Variants in GINS2 observed in about 807,000 individuals in gnomAD.
GINS2 encodes the protein DNA replication complex GINS protein PSF2.
In GINS2, 23 loss-of-function variants were observed where a neutral mutation model predicts 21.2. The observed-to-expected ratio is 1.08, with a 90% confidence interval of 0.78 to 1.53. The LOEUF is 1.53. GINS2 is among the 40% of genes most tolerant of loss of function. The probability of loss-of-function intolerance (pLI) is 0.00; values close to 1 mark genes in which losing one functional copy is unlikely to be tolerated. For synonymous variants in GINS2, 118 were observed against 85.6 expected (o/e 1.38, Z -2.09); for missense variants, 323 against 233.9 (o/e 1.38, Z -2.49).
At position 85,678,116 on chromosome 16, in the gene GINS2, G is replaced by T; in HGVS notation, c.*96C>A. 2.0e-6 allele frequency: 2 copies of T among 1,016,274 alleles called. No individual in the cohort carries two copies. Among genetic ancestry groups the T allele is most frequent in the South Asian group, 1.5e-5 (1 of 65,786 alleles). 63.0% of individuals were successfully genotyped at this position (1,016,274 alleles called of 1,614,324 possible). A position where few individuals can be genotyped will look rare whatever the true frequency, so the allele number is the denominator to read the frequency against. On this transcript the variant is annotated 3_prime_UTR_variant, in exon 5 of 5. Coordinates refer to ENST00000253462, the MANE Select transcript of GINS2 (RefSeq NM_016095.3). Reference sequence around the variant, plus strand: ...CCTTGCACCATCACACATTTTTCATGCATCAGAAGTGTTTCTAGAGCTCCA... The same window carrying T: ...CCTTGCACCATCACACATTTTTCATTCATCAGAAGTGTTTCTAGAGCTCCA...
intron 2 of GINS2, among the ~76,000 whole-genome samples, chr16:85,683,088 A>G (rs945026787): frequency 1.3e-5 from 2 of 151,984 alleles, no homozygotes; most frequent in African/African-American, 2.4e-5. Context: ...CCTGCACAGT[A>G]AGGCACTCCA....
At position 85,678,667 on chromosome 16, in the gene GINS2, C is replaced by T; in HGVS notation, c.306-1G>A. The stretch of plus-strand genomic sequence containing the variant: ...TGCCTTCGGGATGTTGTCTGAAGCA[C>T]TAAAGGAGCAAGGGCTAAAGTCAGT... On this transcript the variant is annotated splice_acceptor_variant, in intron 3 of 4. Transcript: ENST00000253462. LOFTEE classifies it high-confidence loss of function. 1.9e-6 allele frequency: 3 copies of T among 1,613,282 alleles called. No homozygotes were observed. The South Asian group carries it at 3.3e-5, about 18-fold the overall frequency.
In GINS2 at chr16:85,676,499, C is replaced by A. The variant is rs1426689082; in HGVS notation, c.*1713G>T. 2.0e-5 allele frequency: 3 copies of A among 152,270 alleles called. No homozygotes were observed. Among genetic ancestry groups the A allele is most frequent in the Non-Finnish European group, 4.4e-5 (3 of 68,074 alleles). 9.4% of individuals were successfully genotyped at this position (152,270 alleles called of 1,614,324 possible). On this transcript the variant is annotated 3_prime_UTR_variant, in exon 5 of 5. Coordinates refer to ENST00000253462, the MANE Select transcript of GINS2 (RefSeq NM_016095.3). ...TTGGTCCCAGTCTTCCAGGTCTGAC[C>A]CTTCAGTGTCCAAATAACCACCAAA... is the stretch of plus-strand genomic sequence containing the variant.
At chr16:85,688,784 TC>T in intron 1 of GINS2, 24 bp downstream of exon 1, 1 of 1,436,646 alleles carries the variant, frequency 7.0e-7, no homozygotes, top group Non-Finnish European at 9.4e-7. Context: ...CGGCCTCCCC[TC>T]CCCACGGCGG....
At position 85,678,120 on chromosome 16, in the gene GINS2, C is replaced by G. The variant is rs1442195604; in HGVS notation, c.*92G>C. The G allele has an allele frequency of 9.1e-7, 1 of 1,099,276 alleles. No homozygotes were observed. Among genetic ancestry groups the G allele is most frequent in the African/African-American group, 1.6e-5 (1 of 63,796 alleles). 68.1% of individuals were successfully genotyped at this position (1,099,276 alleles called of 1,614,324 possible). On this transcript the variant is annotated 3_prime_UTR_variant, in exon 5 of 5. Coordinates refer to ENST00000253462, the MANE Select transcript of GINS2 (RefSeq NM_016095.3). ...GCACCATCACACATTTTTCATGCAT[C>G]AGAAGTGTTTCTAGAGCTCCAGAAC...
chr16:85,688,657 G>T, intron 1 of GINS2, 152 bp downstream of exon 1: 1 of 431,534 alleles, frequency 2.3e-6, no homozygotes, highest in Non-Finnish European at 4.1e-6. Flanking sequence ...CATCCGAGAA[G>T]CGGGAACGGC....
chr16:85,685,681 A>AAAAACAAACAAAAAAAAACAAC (rs1567792824), intron 2 of GINS2, among the ~76,000 whole-genome samples: 1 of 147,950 alleles, frequency 6.8e-6, no homozygotes, highest in African/African-American at 2.5e-5. Context: ...AAAAAAAAAA[A>AAAAACAAACAAAAAAAAACAAC]AAAAAAAAAA....
rs1443088092 is a variant in GINS2, at chr16:85,678,558, C to G, written c.414G>C (p.Gln138His). ...LRVSADSFVRQQEAHAKLDNL... is the reference protein window; with the variant it reads ...LRVSADSFVRHQEAHAKLDNL... ...CACCTACCTTGGCATGTGCCTCCTG[C>G]TGTCTCACAAAGCTGTCAGCAGACA... The change falls in exon 4 of 5, where the codon CAG becomes CAC. Residue 138 changes from glutamine to histidine, a missense_variant. Transcript: ENST00000253462. 6.2e-7 allele frequency: 1 copy of G among 1,613,570 alleles called. No homozygotes were observed. Among genetic ancestry groups the G allele is most frequent in the Non-Finnish European group, 8.5e-7 (1 of 1,179,916 alleles).
At chr16:85,685,860 A>G (rs542258109) in intron 2 of GINS2, among the ~76,000 whole-genome samples, 16 of 151,762 alleles carry the variant, frequency 1.1e-4, no homozygotes, top group South Asian at 2.1e-4. Context: ...GGTACCCCCA[A>G]TAAGTCCCAG....
At chr16:85,683,601 ACACCCCATGG>A (rs2152052124) in intron 2 of GINS2, among the ~76,000 whole-genome samples, 1 of 152,126 alleles carries the variant, frequency 6.6e-6, no homozygotes, top group South Asian at 2.1e-4. Context: ...CTTCTCCCTC[ACACCCCATGG>A]CCAGTCCTTC....
rs1200843632 is a variant in GINS2, at chr16:85,677,088, G to C, written c.*1124C>G. 1 of 151,782 alleles carries C rather than the reference G, an allele frequency of 6.6e-6. No homozygotes were observed. Among genetic ancestry groups the C allele is most frequent in the Non-Finnish European group, 1.5e-5 (1 of 67,974 alleles). The allele number at this position is 151,782 out of a possible 1,614,324, so 9.4% of individuals were successfully genotyped here. A position where few individuals can be genotyped will look rare whatever the true frequency, so the allele number is the denominator to read the frequency against. ...GGGTTTCACCATGTTAGCCAGGATA[G>C]TCTCAATCTCCTGGCCTTGTGATCC... On this transcript the variant is annotated 3_prime_UTR_variant, in exon 5 of 5. Transcript: ENST00000253462.
chr16:85,678,159 T>C lies in GINS2; in HGVS notation c.*53A>G. 18 of 1,571,710 alleles carry C rather than the reference T, an allele frequency of 1.1e-5. No individual in the cohort carries two copies. The highest frequency in any genetic ancestry group is 1.6e-5 in the Non-Finnish European group (18 of 1,149,314). On this transcript the variant is annotated 3_prime_UTR_variant, in exon 5 of 5. Transcript: ENST00000253462. ...GAGCTCCAGAACCACGAGTACCTCA[T>C]CACGTCCTGAGCGCTCACATCCCCC...
rs149066545 is a variant in GINS2 at position 85,687,828 on chromosome 16, G to A, written c.91-254C>T. On this transcript the variant is annotated intron_variant, in intron 1 of 4. Transcript: ENST00000253462. ...AGTCTCCCCTGAGTGGGTGGGGGGCGCTCCCTCTCCCGCCTGCACCCTCCA... is the reference window on the plus strand; with the variant it reads ...AGTCTCCCCTGAGTGGGTGGGGGGCACTCCCTCTCCCGCCTGCACCCTCCA... 6.5e-3 allele frequency: 2,308 copies of A among 353,358 alleles called. 49 individuals are homozygous for A. Among genetic ancestry groups the A allele is most frequent in the African/African-American group, 0.045 (2,098 of 47,082 alleles). 21.9% of individuals were successfully genotyped at this position (353,358 alleles called of 1,614,324 possible).
At chr16:85,687,799 T>G (rs770900245) in intron 1 of GINS2, 2 of 420,106 alleles carry the variant, frequency 4.8e-6, no homozygotes, top group Non-Finnish European at 8.5e-6. Context: ...GCGGACAGGA[T>G]GCAAGTCTCC....
In GINS2 at chr16:85,677,261, T is replaced by C. The variant is rs1433327142; in HGVS notation, c.*951A>G. The C allele has an allele frequency of 6.6e-6, 1 of 152,208 alleles. No individual in the cohort carries two copies. Among genetic ancestry groups the C allele is most frequent in the Non-Finnish European group, 1.5e-5 (1 of 68,042 alleles). 9.4% of individuals were successfully genotyped at this position (152,208 alleles called of 1,614,324 possible). On this transcript the variant is annotated 3_prime_UTR_variant, in exon 5 of 5. Transcript: ENST00000253462. ...ACGATCATTTCACCTCTCAAGGTAA[T>C]GTAATTTCTGTAAAGGTCCTAACAT...
At position 85,681,625 on chromosome 16, in the gene GINS2, G is replaced by T. The variant is rs1422492225; in HGVS notation, c.262C>A (p.Pro88Thr). 6.2e-7 allele frequency: 1 copy of T among 1,612,646 alleles called. No individual in the cohort carries two copies. Among genetic ancestry groups the T allele is most frequent in the Non-Finnish European group, 8.5e-7 (1 of 1,178,744 alleles). The change falls in exon 3 of 5, where the codon CCC (proline) becomes ACC (threonine). Residue 88 changes from proline (P) to threonine (T), a missense_variant. By Grantham distance (38) the Pro-to-Thr change is conservative. Transcript: ENST00000253462. Reference sequence around the variant, plus strand: ...GTAAGTTCCATGTAGTAAGGGCTGGGCATTGGGGTAAAAGTTTCTTCCTTT... The same window carrying T: ...GTAAGTTCCATGTAGTAAGGGCTGGTCATTGGGGTAAAAGTTTCTTCCTTT... Reference protein sequence around the residue: ...ERKEETFTPMPSPYYMELTKL... With the variant: ...ERKEETFTPMTSPYYMELTKL...
chr16:85,681,469 T>C, intron 3 of GINS2, 113 bp downstream of exon 3: 1 of 666,852 alleles, frequency 1.5e-6, no homozygotes, highest in South Asian at 1.8e-5. Flanking sequence ...GCGGCCAGTG[T>C]TGCCACTTAC....
chr16:85,687,775 C>A, intron 1 of GINS2: 2 of 462,436 alleles, frequency 4.3e-6, no homozygotes. Flanking sequence ...GGGCTCAGTC[C>A]TTCTGGCCTT....
rs746372031 is a variant in GINS2, at chr16:85,678,282, G to T, written c.488C>A (p.Ala163Glu). ...INTSGTFLTQ[A>E]LNHMYKLRTN... is the part of the protein sequence containing the mutation. ...GCGGAGTTTGTACATGTGGTTGAGCGCTTGTGTGAGGAAAGTCCCGCTGGT... is the reference window on the plus strand; with the variant it reads ...GCGGAGTTTGTACATGTGGTTGAGCTCTTGTGTGAGGAAAGTCCCGCTGGT... Residue 163 changes from alanine (A) to glutamate (E), a missense_variant, in exon 5 of 5, where the codon GCG becomes GAG. Transcript: ENST00000253462. 1 of 1,612,360 alleles carries T rather than the reference G, an allele frequency of 6.2e-7. No homozygotes were observed. Among genetic ancestry groups the T allele is most frequent in the Admixed American group, 1.7e-5 (1 of 60,016 alleles).
Sources: allele counts gnomAD v4.1 joint callset (sites outside exome capture counted in the v4.1 genomes callset), GRCh38; gene constraint gnomAD v4.1.1; transcripts MANE v1.5; gene names NCBI Gene and HGNC (gene_info 2026-07-23, HGNC 2026-07-21).